SUGCT: variants seen among roughly 807,000 people sequenced by gnomAD.
The protein encoded by SUGCT is succinyl-CoA:glutarate-CoA transferase.
SUGCT carries 41 observed loss-of-function variants against 55.0 expected under a neutral mutation model. That is an observed-to-expected ratio of 0.74 (90% CI 0.58 to 0.97). The LOEUF (loss-of-function observed/expected upper bound fraction) is 0.97, where lower values mean the gene tolerates loss of function less well. SUGCT is among the 50% of genes least tolerant of loss of function. SUGCT has a pLI of 0.00. For missense variants in SUGCT, 568 were observed against 547.8 expected, an observed-to-expected ratio of 1.04 and a Z score of -0.37; for synonymous variants, 187 against 200.4, an observed-to-expected ratio of 0.93 and a Z score of 0.56.
intron 9 of SUGCT, among the ~76,000 whole-genome samples, chr7:40,421,008 C>CTACCCTGTATTTTTA (rs1223798948): frequency 1.3e-5 from 2 of 152,116 alleles, no homozygotes; most frequent in African/African-American, 4.8e-5. Context: ...TTCCCTCGAC[C>CTACCCTGTATTTTTA]TACCCTGTAT....
At chr7:40,178,427 G>A (rs1017684283) in intron 1 of SUGCT, among the ~76,000 whole-genome samples, 5 of 152,136 alleles carry the variant, frequency 3.3e-5, no homozygotes, top group Non-Finnish European at 5.9e-5. Flanking sequence ...GGATGCATGA[G>A]AGGTAGTTTT....
intron 12 of SUGCT, among the ~76,000 whole-genome samples, chr7:40,731,890 T>C (rs976734778): frequency 3.9e-5 from 6 of 152,198 alleles, no homozygotes; most frequent in African/African-American, 7.2e-5. Flanking sequence ...CAAGTCAGTC[T>C]CTTTTGGACC....
chr7:40,829,197 C>A (rs1268510231), intron 13 of SUGCT, among the ~76,000 whole-genome samples: 1 of 152,154 alleles, frequency 6.6e-6, no homozygotes, highest in Non-Finnish European at 1.5e-5. Context: ...TTCTGAATAA[C>A]CTACTCCTTA....
intron 7 of SUGCT, among the ~76,000 whole-genome samples, chr7:40,268,507 ACC>A (rs1301843564): frequency 6.6e-6 from 1 of 152,102 alleles, no homozygotes; most frequent in Non-Finnish European, 1.5e-5. Flanking sequence ...AAAATATCCT[ACC>A]ATATGGCTAG....
intron 13 of SUGCT, among the ~76,000 whole-genome samples, chr7:40,758,269 G>A (rs1788357684): frequency 6.6e-6 from 1 of 151,882 alleles, no homozygotes; most frequent in African/African-American, 2.4e-5. Flanking sequence ...AAATTGGGCT[G>A]AATTTCATGG....
chr7:40,480,370 AT>A (rs1432719968), intron 11 of SUGCT, among the ~76,000 whole-genome samples: 3 of 151,938 alleles, frequency 2.0e-5, no homozygotes, highest in Admixed American at 6.6e-5. Context: ...TGTTCCATTG[AT>A]TTATGTGTCT....
rs140901327 is a variant in SUGCT, at chr7:40,316,965, T to G, written c.816+110T>G. 1.1e-5 allele frequency: 6 copies of G among 538,766 alleles called. 1 individual carries two copies. The East Asian group carries it at 1.9e-4, about 17-fold the overall frequency. The allele number at this position is 538,766 out of a possible 1,614,324, so 33.4% of individuals were successfully genotyped here. A position where few individuals can be genotyped will look rare whatever the true frequency, so the allele number is the denominator to read the frequency against. ...ACAAATCCTTCAGCTGTTTTTTTTT[T>G]TTTTTTTTGTAATGTATCTGTGTCT... is the stretch of plus-strand genomic sequence containing the variant. On this transcript the variant is annotated intron_variant, in intron 9 of 13. Coordinates refer to ENST00000335693, the MANE Select transcript of SUGCT (RefSeq NM_001193313.2).
the SUGCT span, among the ~76,000 whole-genome samples, chr7:41,016,908 C>T: frequency 6.6e-6 from 1 of 152,150 alleles, no homozygotes. Flanking sequence ...AGGTTCTTTC[C>T]TTGATTCAAT....
chr7:40,462,846 T>C (rs1789877429), intron 11 of SUGCT, among the ~76,000 whole-genome samples: 1 of 152,338 alleles, frequency 6.6e-6, no homozygotes, highest in Middle Eastern at 3.4e-3. Context: ...CTTAACACAT[T>C]TGTTTCGGTG....
intron 7 of SUGCT, among the ~76,000 whole-genome samples, chr7:40,254,252 A>G (rs541499305): frequency 1.3e-5 from 2 of 152,280 alleles, no homozygotes; most frequent in Non-Finnish European, 2.9e-5. Flanking sequence ...CACATACACA[A>G]TGAATCCTGG....
intron 12 of SUGCT, among the ~76,000 whole-genome samples, chr7:40,546,345 A>C (rs1343428275): frequency 6.6e-6 from 1 of 152,198 alleles, no homozygotes; most frequent in Admixed American, 6.5e-5. Context: ...TTCCTTAAGA[A>C]AGGTAATTAG....
At chr7:40,610,318 T>C (rs191944812) in intron 12 of SUGCT, among the ~76,000 whole-genome samples, 5 of 152,356 alleles carry the variant, frequency 3.3e-5, no homozygotes, top group African/African-American at 4.8e-5. Context: ...TCCCTTTAAC[T>C]TAATTCTTGC....
chr7:40,889,706 T>C, the SUGCT span, among the ~76,000 whole-genome samples: 7 of 152,184 alleles, frequency 4.6e-5, no homozygotes, highest in African/African-American at 1.4e-4. Flanking sequence ...CTTTGACTTA[T>C]TAATATAGGT....
At chr7:40,927,152 A>G in the SUGCT span, among the ~76,000 whole-genome samples, 1 of 152,366 alleles carries the variant, frequency 6.6e-6, no homozygotes. Context: ...CACATAGTCT[A>G]AGATATGCAA....
intron 12 of SUGCT, among the ~76,000 whole-genome samples, chr7:40,688,887 A>G (rs1784573578): frequency 6.6e-6 from 1 of 152,078 alleles, no homozygotes; most frequent in African/African-American, 2.4e-5. Context: ...TCATATTTTA[A>G]AAAAAAATTT....
intron 13 of SUGCT, among the ~76,000 whole-genome samples, chr7:40,844,495 C>T (rs1280502215): frequency 6.6e-6 from 1 of 152,184 alleles, no homozygotes; most frequent in Non-Finnish European, 1.5e-5. Context: ...CCTCTGAAGT[C>T]AACCTGCTTT....
At chr7:40,754,203 G>C (rs1004725561) in intron 13 of SUGCT, among the ~76,000 whole-genome samples, 3 of 152,128 alleles carry the variant, frequency 2.0e-5, no homozygotes, top group African/African-American at 7.2e-5. Flanking sequence ...AAAGTGAAGA[G>C]AGACAAAGAA....
chr7:40,484,338 G>A (rs949780939), intron 11 of SUGCT, among the ~76,000 whole-genome samples: 2 of 151,980 alleles, frequency 1.3e-5, no homozygotes, highest in East Asian at 1.9e-4. Context: ...TCATAAAATC[G>A]TTGCCAATAT....
chr7:40,916,631 C>T, the SUGCT span, among the ~76,000 whole-genome samples: 1 of 152,174 alleles, frequency 6.6e-6, no homozygotes, highest in Non-Finnish European at 1.5e-5. Context: ...AGTAAGCTGA[C>T]ATTTTAATTA....
Sources: allele counts gnomAD v4.1 joint callset (sites outside exome capture counted in the v4.1 genomes callset), GRCh38; gene constraint gnomAD v4.1.1; transcripts MANE v1.5; gene names NCBI Gene and HGNC (gene_info 2026-07-23, HGNC 2026-07-21).